CHRM2: variants seen among roughly 807,000 people sequenced by gnomAD.
CHRM2 encodes the protein muscarinic acetylcholine receptor M2.
Under a neutral mutation model 25.0 loss-of-function variants are expected in CHRM2, and 8 were observed. The ratio of observed to expected loss-of-function variants is 0.32; its 90% CI spans 0.19 to 0.58. CHRM2 has a LOEUF of 0.58. Among genes scored for constraint, CHRM2 ranks in the 20% least tolerant of loss-of-function variants. The pLI is 0.88. For missense variants in CHRM2, 440 were observed against 567.1 expected (o/e 0.78, Z 2.28); for synonymous variants, 202 against 205.7 (o/e 0.98, Z 0.15).
chr7:136,993,891 C>T (rs1335717845), intron 3 of CHRM2, among the ~76,000 whole-genome samples: 4 of 151,930 alleles, frequency 2.6e-5, no homozygotes, highest in Admixed American at 6.6e-5. Context: ...TCATAGCCAT[C>T]AACTTAAAAG....
chr7:136,938,310 G>A (rs982568933), intron 2 of CHRM2: 99 of 1,308,036 alleles, frequency 7.6e-5, no homozygotes, highest in Middle Eastern at 5.8e-4. Flanking sequence ...TGTAGCTCTC[G>A]AACATGTTGT....
At chr7:136,935,340 G>A (rs993818707) in intron 2 of CHRM2, among the ~76,000 whole-genome samples, 2 of 152,150 alleles carry the variant, frequency 1.3e-5, no homozygotes, top group Non-Finnish European at 2.9e-5. Context: ...AGGTAAGGCA[G>A]GGGTCAGATA....
intron 2 of CHRM2, among the ~76,000 whole-genome samples, chr7:136,873,617 G>T (rs1795929138): frequency 6.6e-6 from 1 of 152,164 alleles, no homozygotes; most frequent in African/African-American, 2.4e-5. Context: ...CTAGTAAGTT[G>T]CAGCCCCTGG....
At chr7:136,985,130 A>G (rs1373445021) in intron 2 of CHRM2, among the ~76,000 whole-genome samples, 1 of 152,104 alleles carries the variant, frequency 6.6e-6, no homozygotes, top group Non-Finnish European at 1.5e-5. Context: ...GCTGCAACAC[A>G]CAGCACTGAG....
chr7:136,948,320 CTGGAAAACTAAAT>C (rs1213737231), intron 2 of CHRM2, among the ~76,000 whole-genome samples: 3 of 151,838 alleles, frequency 2.0e-5, no homozygotes, highest in Non-Finnish European at 4.4e-5. Flanking sequence ...AGGTGGTGAG[CTGGAAAACTAAAT>C]TGAAGTCATA....
rs148219536 is a variant in CHRM2, at chr7:137,009,489, G to T, written c.-46-5331G>T. Among the ~76,000 whole-genome samples the T allele has an allele frequency of 1.1e-3, 166 of 152,144 alleles. 1 individual carries two copies. The Middle Eastern group carries it at 0.017, about 16-fold the overall frequency. ...TTATTGTGAATGTCTCCTGCCCAAA[G>T]CCCCAGTATTGTCCTGGACACAATG... is the stretch of plus-strand genomic sequence containing the variant. On this transcript the variant is annotated intron_variant, in intron 3 of 3. Coordinates refer to ENST00000680005, the MANE Select transcript of CHRM2 (RefSeq NM_001006630.2).
intron 3 of CHRM2, among the ~76,000 whole-genome samples, chr7:137,001,560 G>C (rs912977476): frequency 6.6e-6 from 1 of 152,136 alleles, no homozygotes; most frequent in South Asian, 2.1e-4. Context: ...AGCCAAATAT[G>C]AACCAGAGAG....
At chr7:136,955,606 G>T (rs2130871166) in intron 2 of CHRM2, among the ~76,000 whole-genome samples, 1 of 152,238 alleles carries the variant, frequency 6.6e-6, no homozygotes, top group South Asian at 2.1e-4. Context: ...CCTGGCCTTT[G>T]TCTCTCTGTG....
chr7:136,938,508 G>A, intron 2 of CHRM2: 1 of 998,240 alleles, frequency 1.0e-6, no homozygotes, highest in Non-Finnish European at 1.6e-6. Flanking sequence ...GGATAAGGGG[G>A]CTCAGCAGGC....
chr7:137,019,543 C>A lies in CHRM2; in HGVS notation c.*3277C>A, dbSNP rs1441025637. ...ATATCATTTATCTTCTTTGCATTTA[C>A]TGGAAAGGTGTATCTGTAAGGTCTT... On this transcript the variant is annotated 3_prime_UTR_variant, in exon 4 of 4. Transcript: ENST00000680005. 1.3e-5 allele frequency: 2 copies of A among 151,772 alleles called. No homozygotes were observed. The highest frequency in any genetic ancestry group is 4.8e-5 in the African/African-American group (2 of 41,380). The allele number at this position is 151,772 out of a possible 1,614,324, so 9.4% of individuals were successfully genotyped here.
At chr7:136,989,824 T>C (rs1468060215) in intron 2 of CHRM2, among the ~76,000 whole-genome samples, 2 of 152,102 alleles carry the variant, frequency 1.3e-5, no homozygotes, top group Admixed American at 6.6e-5. Flanking sequence ...TCATAGTACT[T>C]CCTTTTTTAG....
At chr7:136,969,486 T>A (rs1377911037) in intron 2 of CHRM2, among the ~76,000 whole-genome samples, 4 of 152,180 alleles carry the variant, frequency 2.6e-5, no homozygotes, top group Non-Finnish European at 5.9e-5. Flanking sequence ...TACCTCTAGA[T>A]CCTGAAAGCA....
chr7:136,889,585 T>C (rs530954615), intron 2 of CHRM2, among the ~76,000 whole-genome samples: 1 of 152,340 alleles, frequency 6.6e-6, no homozygotes, highest in Non-Finnish European at 1.5e-5. Flanking sequence ...AACCCAATCC[T>C]GAGGTTTCTT....
Position 137,004,335 on chromosome 7 carries a change from C to A in CHRM2, c.-46-10485C>A, listed in dbSNP as rs867248258. On this transcript the variant is annotated intron_variant, in intron 3 of 3. Transcript: ENST00000680005. Reference sequence around the variant, plus strand: ...ATGGTTTATTTCAAGAAGGGAAATGCCACTTTTTTATCCTAGCTTTCACAC... The same window carrying A: ...ATGGTTTATTTCAAGAAGGGAAATGACACTTTTTTATCCTAGCTTTCACAC... 4.6e-5 allele frequency among the ~76,000 whole-genome samples: 7 copies of A among 152,104 alleles called. No individual in the cohort carries two copies. The South Asian group carries it at 6.2e-4, about 13-fold the overall frequency.
At chr7:136,974,410 A>G (rs773506158) in intron 2 of CHRM2, among the ~76,000 whole-genome samples, 14 of 152,220 alleles carry the variant, frequency 9.2e-5, no homozygotes, top group Non-Finnish European at 1.5e-4. Flanking sequence ...ATGGAAATAC[A>G]TAAAATGTAT....
At chr7:136,902,136 T>TAAA (rs1797248738) in intron 2 of CHRM2, 1 of 151,978 alleles carries the variant, frequency 6.6e-6, no homozygotes, top group Non-Finnish European at 1.5e-5. Flanking sequence ...AAACAAAATA[T>TAAA]AAAAATAATT....
At chr7:136,908,100 C>T (rs1797653098) in intron 2 of CHRM2, 1 of 151,866 alleles carries the variant, frequency 6.6e-6, no homozygotes, top group African/African-American at 2.4e-5. Context: ...AAAAATCATA[C>T]CCATTACATG....
chr7:136,922,431 T>G (rs531133095), intron 2 of CHRM2, among the ~76,000 whole-genome samples: 322 of 152,332 alleles, frequency 2.1e-3, no homozygotes, highest in Non-Finnish European at 3.3e-3. Flanking sequence ...GTTCACTGGC[T>G]TAAAGCTTCT....
chr7:136,964,689 T>C (rs1442819053), intron 2 of CHRM2, among the ~76,000 whole-genome samples: 17 of 152,158 alleles, frequency 1.1e-4, no homozygotes. Flanking sequence ...AGTCTGTTCA[T>C]CAGAGTATTC....
Sources: allele counts gnomAD v4.1 joint callset (sites outside exome capture counted in the v4.1 genomes callset), GRCh38; gene constraint gnomAD v4.1.1; transcripts MANE v1.5; gene names NCBI Gene and HGNC (gene_info 2026-07-23, HGNC 2026-07-21).